The following MACROD2 variants were observed in gnomAD, a reference collection of about 807,000 sequenced individuals.
MACROD2 encodes mono-ADP ribosylhydrolase 2, also known as ADP-ribose glycohydrolase MACROD2.
Under a neutral mutation model 70.4 loss-of-function variants are expected in MACROD2, and 36 were observed. The ratio of observed to expected loss-of-function variants is 0.51; its 90% CI spans 0.39 to 0.68. The LOEUF (loss-of-function observed/expected upper bound fraction) is 0.68, where lower values mean the gene tolerates loss of function less well. Ranked by LOEUF, MACROD2 falls within the 30% of genes least tolerant of loss-of-function variation. The pLI is 0.00. For missense variants in MACROD2, 496 were observed against 538.4 expected, an observed-to-expected ratio of 0.92 and a Z score of 0.78; for synonymous variants, 172 against 178.8, an observed-to-expected ratio of 0.96 and a Z score of 0.30.
chr20:16,046,568 A>G (rs375555115), intron 17 of MACROD2, among the ~76,000 whole-genome samples: 1 of 151,818 alleles, frequency 6.6e-6, no homozygotes, highest in East Asian at 1.9e-4. Flanking sequence ...CAGTGTCCAG[A>G]TGAAGTGCCA....
chr20:15,184,850 A>G (rs916400972), intron 5 of MACROD2, among the ~76,000 whole-genome samples: 1 of 152,194 alleles, frequency 6.6e-6, no homozygotes, highest in East Asian at 1.9e-4. Flanking sequence ...CATTCAATTA[A>G]TATATGTTTA....
chr20:15,375,427 C>T (rs186232301), intron 6 of MACROD2, among the ~76,000 whole-genome samples: 73 of 152,116 alleles, frequency 4.8e-4, no homozygotes, highest in Middle Eastern at 3.4e-3. Flanking sequence ...TGTAATTGTG[C>T]GGTAATTTGG....
chr20:14,595,005 A>G (rs1190660847), intron 4 of MACROD2, among the ~76,000 whole-genome samples: 1 of 152,190 alleles, frequency 6.6e-6, no homozygotes, highest in Non-Finnish European at 1.5e-5. Context: ...TGGTATAAAT[A>G]TATACATAGA....
At position 16,026,081 on chromosome 20, in the gene MACROD2, A is replaced by G. The variant is rs144551338; in HGVS notation, c.1154-15120A>G. ...GGCAGGAGAATCGCTTGAACCCAGG[A>G]GGTGAAGGTTGCAGTGAGTCAAGAT... On this transcript the variant is annotated intron_variant, in intron 15 of 17. Transcript: ENST00000684519. Among the ~76,000 whole-genome samples, 530 of 152,284 alleles carry G rather than the reference A, an allele frequency of 3.5e-3. 1 individual carries two copies. Among genetic ancestry groups the G allele is most frequent in the African/African-American group, 0.012 (496 of 41,564 alleles).
At chr20:15,765,573 T>G (rs1849284101) in intron 8 of MACROD2, among the ~76,000 whole-genome samples, 1 of 152,218 alleles carries the variant, frequency 6.6e-6, no homozygotes, top group African/African-American at 2.4e-5. Context: ...ATATTTTTAT[T>G]TTTCAATCTA....
chr20:15,392,006 G>A (rs774321254), intron 6 of MACROD2, among the ~76,000 whole-genome samples: 1 of 152,094 alleles, frequency 6.6e-6, no homozygotes, highest in Non-Finnish European at 1.5e-5. Context: ...TGTTGTTGTT[G>A]TTTGTTTGTT....
At chr20:14,449,867 C>A (rs141920150) in intron 3 of MACROD2, among the ~76,000 whole-genome samples, 2 of 152,170 alleles carry the variant, frequency 1.3e-5, no homozygotes, top group African/African-American at 4.8e-5. Flanking sequence ...ACTGTGACAT[C>A]TGTGCTTGCA....
At chr20:14,429,562 T>C (rs1441414081) in intron 3 of MACROD2, among the ~76,000 whole-genome samples, 1 of 152,194 alleles carries the variant, frequency 6.6e-6, no homozygotes, top group African/African-American at 2.4e-5. Context: ...AGATGGGCTT[T>C]GGTCCTTTTA....
intron 7 of MACROD2, among the ~76,000 whole-genome samples, chr20:15,474,582 A>G (rs2046998076): frequency 6.6e-6 from 1 of 152,206 alleles, no homozygotes; most frequent in Non-Finnish European, 1.5e-5. Context: ...AGTACAGATT[A>G]AAAATGAGCA....
chr20:14,388,163 C>T lies in MACROD2; in HGVS notation c.272-105316C>T, dbSNP rs903967027. 5.6e-4 allele frequency among the ~76,000 whole-genome samples: 85 copies of T among 151,962 alleles called. 1 individual carries two copies. Among genetic ancestry groups the T allele is most frequent in the Non-Finnish European group, 1.9e-4 (13 of 67,980 alleles). On this transcript the variant is annotated intron_variant, in intron 3 of 17. Transcript: ENST00000684519. Reference sequence around the variant, plus strand: ...TAGCTGGGACTATAGGCGCCTGCCACCACGCCCGGCTAATTTTTTTTTGTA... The same window carrying T: ...TAGCTGGGACTATAGGCGCCTGCCATCACGCCCGGCTAATTTTTTTTTGTA...
At chr20:14,781,330 G>A (rs1157764288) in intron 5 of MACROD2, among the ~76,000 whole-genome samples, 1 of 151,630 alleles carries the variant, frequency 6.6e-6, no homozygotes, top group Non-Finnish European at 1.5e-5. Flanking sequence ...TTAAACAGAT[G>A]ACCTCAGGAC....
chr20:15,137,098 T>C (rs1318169931), intron 5 of MACROD2, among the ~76,000 whole-genome samples: 8 of 147,194 alleles, frequency 5.4e-5, no homozygotes, highest in African/African-American at 7.6e-5. Flanking sequence ...GGAACACTTT[T>C]ACACTGTTGG....
At chr20:15,831,196 C>T (rs1378014758) in intron 8 of MACROD2, among the ~76,000 whole-genome samples, 1 of 152,060 alleles carries the variant, frequency 6.6e-6, no homozygotes, top group Non-Finnish European at 1.5e-5. Context: ...TCTTAATTAC[C>T]ACAGGTCATA....
At chr20:15,725,061 G>A (rs961652159) in intron 8 of MACROD2, among the ~76,000 whole-genome samples, 8 of 152,086 alleles carry the variant, frequency 5.3e-5, no homozygotes, top group Non-Finnish European at 1.2e-4. Context: ...CAGCCTGGGC[G>A]ACAGAGTGAG....
At chr20:14,555,694 A>G (rs1338875256) in intron 4 of MACROD2, among the ~76,000 whole-genome samples, 1 of 152,072 alleles carries the variant, frequency 6.6e-6, no homozygotes, top group Non-Finnish European at 1.5e-5. Context: ...AGATATTGGC[A>G]CTAAGGAGAG....
intron 5 of MACROD2, among the ~76,000 whole-genome samples, chr20:15,042,456 G>A (rs6043072): frequency 0.095 from 14,404 of 152,214 alleles, 1,864 homozygotes; most frequent in African/African-American, 0.29. Flanking sequence ...ACAGCAGAAT[G>A]GGACGTGTGT....
chr20:14,371,089 T>TA (rs2083318097), intron 3 of MACROD2, among the ~76,000 whole-genome samples: 2 of 152,222 alleles, frequency 1.3e-5, no homozygotes, highest in Non-Finnish European at 2.9e-5. Context: ...TTGTATTAGT[T>TA]ATAATGTTTG....
chr20:15,213,560 A>C (rs1038075169), intron 5 of MACROD2, among the ~76,000 whole-genome samples: 2 of 152,092 alleles, frequency 1.3e-5, no homozygotes, highest in African/African-American at 2.4e-5. Context: ...GGGTGCAGGG[A>C]AACATGGAGT....
chr20:14,175,702 T>C (rs1273425771), intron 3 of MACROD2, among the ~76,000 whole-genome samples: 1 of 152,140 alleles, frequency 6.6e-6, no homozygotes. Flanking sequence ...GGCAAAGTAG[T>C]TTCTTTTTAA....
Sources: gnomAD v4.1 joint callset for allele counts (sites outside exome capture counted in the v4.1 genomes callset) on GRCh38, gnomAD v4.1.1 for gene constraint, MANE v1.5 for transcripts, NCBI Gene and HGNC (gene_info 2026-07-23, HGNC 2026-07-21) for gene names.